The following MRPS35 variants were observed in gnomAD, a reference collection of about 807,000 sequenced individuals.
MRPS35 encodes mitochondrial ribosomal protein S35, also known as small ribosomal subunit protein mS35.
In MRPS35, 29 loss-of-function variants were observed where a neutral mutation model predicts 32.7. The observed-to-expected ratio is 0.89, with a 90% CI of 0.66 to 1.21. MRPS35 has a LOEUF of 1.21. Among genes scored for constraint, MRPS35 ranks in the 50% most tolerant of loss-of-function variants. The pLI is 0.00. For missense variants in MRPS35, 373 were observed against 383.8 expected (o/e 0.97, Z 0.23); for synonymous variants, 148 against 139.3 (o/e 1.06, Z -0.44).
At chr12:27,749,329 C>G (rs956798533) in intron 7 of MRPS35, among the ~76,000 whole-genome samples, 16 of 148,044 alleles carry the variant, frequency 1.1e-4, no homozygotes, top group Non-Finnish European at 4.5e-5. Flanking sequence ...GGAAACTTAC[C>G]AAAAAAAAAG....
chr12:27,749,304 A>G (rs560302178), intron 7 of MRPS35, among the ~76,000 whole-genome samples: 2 of 151,214 alleles, frequency 1.3e-5, no homozygotes, highest in Admixed American at 6.6e-5. Flanking sequence ...AAGACCAGGA[A>G]GTTAAAAGTG....
At chr12:27,747,489 T>C (rs971658560) in intron 7 of MRPS35, among the ~76,000 whole-genome samples, 1 of 139,796 alleles carries the variant, frequency 7.2e-6, no homozygotes, top group Non-Finnish European at 1.5e-5. Flanking sequence ...TTAGCTTTGG[T>C]AGCTGAAAGA....
chr12:27,735,373 A>G (rs1189300308), intron 5 of MRPS35, 74 bp from the exon 6 acceptor site: 24 of 1,105,012 alleles, frequency 2.2e-5, no homozygotes, highest in Non-Finnish European at 3.0e-5. Context: ...GTTAATAGGA[A>G]TAACATTGCT....
At chr12:27,747,985 A>T (rs141810729) in intron 7 of MRPS35, among the ~76,000 whole-genome samples, 11 of 152,332 alleles carry the variant, frequency 7.2e-5, no homozygotes, top group African/African-American at 2.4e-4. Context: ...ACAGGTGATA[A>T]TAGTACTAAC....
chr12:27,740,900 G>GAAGC (rs1439473679), intron 7 of MRPS35, among the ~76,000 whole-genome samples: 2 of 152,088 alleles, frequency 1.3e-5, no homozygotes, highest in Non-Finnish European at 2.9e-5. Flanking sequence ...GCAGTTTAAA[G>GAAGC]AAGCAAGGAG....
chr12:27,717,743 G>A (rs4930933), intron 3 of MRPS35, among the ~76,000 whole-genome samples: 22,764 of 152,224 alleles, frequency 0.15, 2,267 homozygotes, highest in Non-Finnish European at 0.21. Flanking sequence ...GGGTGAGAGA[G>A]TAGCGGTATA....
intron 7 of MRPS35, among the ~76,000 whole-genome samples, chr12:27,752,232 G>A (rs553390625): frequency 2.4e-4 from 37 of 152,300 alleles, no homozygotes; most frequent in African/African-American, 8.9e-4. Flanking sequence ...GAATGAAGGA[G>A]GAGGGTGCTT....
In MRPS35 at chr12:27,737,596, C is replaced by T; in HGVS notation, c.690C>T (p.Tyr230=). The T allele has an allele frequency of 6.2e-7, 1 of 1,608,226 alleles. No individual in the cohort carries two copies. The highest frequency in any genetic ancestry group is 8.5e-7 in the Non-Finnish European group (1 of 1,175,166). ...DYAVYLLTVL[Y]HESWNTEEWE... The stretch of plus-strand genomic sequence containing the variant: ...CAGTGTATCTACTAACAGTGTTATA[C>T]CATGAGTCTTGGGTAAGTGTGTGTG... The change falls in exon 7 of 8, where the codon TAC becomes TAT. Residue 230 remains tyrosine, a synonymous_variant. Transcript: ENST00000081029.
chr12:27,749,664 G>A (rs754813282), intron 7 of MRPS35, among the ~76,000 whole-genome samples: 3 of 152,098 alleles, frequency 2.0e-5, no homozygotes, highest in African/African-American at 4.8e-5. Context: ...CCAATGCTTC[G>A]CCTCAAATCC....
Position 27,755,529 on chromosome 12 carries a change from A to T in MRPS35, c.*79A>T. 7.7e-7 allele frequency: 1 copy of T among 1,295,352 alleles called. No individual in the cohort carries two copies. Among genetic ancestry groups the T allele is most frequent in the Non-Finnish European group, 1.0e-6 (1 of 974,588 alleles). 80.2% of individuals were successfully genotyped at this position (1,295,352 alleles called of 1,614,324 possible). ...AGTATCTAATTTGATATAAAATTGA[A>T]AATGTTAAAAAATCATTTTTTTTCC... is the stretch of plus-strand genomic sequence containing the variant. On this transcript the variant is annotated 3_prime_UTR_variant, in exon 8 of 8. Coordinates refer to ENST00000081029, the MANE Select transcript of MRPS35 (RefSeq NM_021821.4).
At chr12:27,714,633 C>CTA in intron 1 of MRPS35, 147 bp from the exon 2 acceptor site, 1 of 571,326 alleles carries the variant, frequency 1.8e-6, no homozygotes, top group South Asian at 2.4e-5. Context: ...CCTGAGCTTA[C>CTA]CAAAAAAAAA....
At chr12:27,741,826 A>T (rs1320592438) in intron 7 of MRPS35, among the ~76,000 whole-genome samples, 1 of 152,240 alleles carries the variant, frequency 6.6e-6, no homozygotes, top group African/African-American at 2.4e-5. Context: ...TCAGAGATTC[A>T]TGGGTGATTT....
At chr12:27,711,326 T>C (rs2061821846) in intron 1 of MRPS35, among the ~76,000 whole-genome samples, 1 of 152,228 alleles carries the variant, frequency 6.6e-6, no homozygotes, top group Non-Finnish European at 1.5e-5. Flanking sequence ...AAGAGAGTCA[T>C]ACGGCTGTGC....
intron 5 of MRPS35, among the ~76,000 whole-genome samples, chr12:27,734,339 T>C (rs991475840): frequency 6.6e-6 from 1 of 151,086 alleles, no homozygotes; most frequent in Admixed American, 6.6e-5. Context: ...GCCTCCTGGG[T>C]TCAAGTGATT....
chr12:27,715,523 A>G (rs2061846400), intron 2 of MRPS35, among the ~76,000 whole-genome samples: 1 of 152,186 alleles, frequency 6.6e-6, no homozygotes, highest in Non-Finnish European at 1.5e-5. Context: ...CCTTACTTCT[A>G]TGGAGGAATC....
chr12:27,727,066 T>C (rs1426045569), intron 5 of MRPS35, among the ~76,000 whole-genome samples: 2 of 150,026 alleles, frequency 1.3e-5, no homozygotes, highest in African/African-American at 4.9e-5. Flanking sequence ...GTTCACAGCA[T>C]TCTCCTGCCT....
Position 27,716,252 on chromosome 12 carries a change from G to A in MRPS35, c.154-39G>A, listed in dbSNP as rs776655987. The A allele has an allele frequency of 2.7e-6, 4 of 1,460,150 alleles. No homozygotes were observed. In the African/African-American group the frequency reaches 5.8e-5, roughly 21 times the overall value. The allele number at this position is 1,460,150 out of a possible 1,614,324, so 90.4% of individuals were successfully genotyped here. ...AAATTCTTTAAGAATTAAAGAATGTGTTTATATTTAAAATACTAAACGATT... is the reference window on the plus strand; with the variant it reads ...AAATTCTTTAAGAATTAAAGAATGTATTTATATTTAAAATACTAAACGATT... On this transcript the variant is annotated intron_variant, in intron 2 of 7. Coordinates refer to ENST00000081029, the MANE Select transcript of MRPS35 (RefSeq NM_021821.4).
intron 7 of MRPS35, among the ~76,000 whole-genome samples, chr12:27,749,791 C>T (rs984793256): frequency 6.6e-6 from 1 of 152,200 alleles, no homozygotes; most frequent in Non-Finnish European, 1.5e-5. Flanking sequence ...GCCAGGTCCT[C>T]TAAGTACATG....
At chr12:27,748,190 C>T (rs2061987576) in intron 7 of MRPS35, among the ~76,000 whole-genome samples, 1 of 152,192 alleles carries the variant, frequency 6.6e-6, no homozygotes, top group African/African-American at 2.4e-5. Context: ...TGCTTCTCCT[C>T]TACGGGGATC....
Sources: allele counts gnomAD v4.1 joint callset (sites outside exome capture counted in the v4.1 genomes callset), GRCh38; gene constraint gnomAD v4.1.1; transcripts MANE v1.5; gene names NCBI Gene and HGNC (gene_info 2026-07-23, HGNC 2026-07-21).